TUT4: variants seen among roughly 807,000 people sequenced by gnomAD.
TUT4 encodes the protein terminal uridylyl transferase 4, also known as terminal uridylyltransferase 4.
TUT4 carries 36 observed loss-of-function variants against 192.2 expected under a neutral mutation model. The ratio of observed to expected loss-of-function variants is 0.19; its 90% CI spans 0.14 to 0.25. The LOEUF is 0.25. Ranked by LOEUF, TUT4 falls within the 10% of genes least tolerant of loss-of-function variation. The probability of loss-of-function intolerance (pLI) is 1.00; values close to 1 mark genes in which losing one functional copy is unlikely to be tolerated. For missense variants in TUT4, 1,493 were observed against 1,957.2 expected (o/e 0.76, Z 4.47); for synonymous variants, 618 against 666.0 (o/e 0.93, Z 1.11).
At position 52,503,985 on chromosome 1, in the gene TUT4, C is replaced by T. The variant is rs746363401; in HGVS notation, c.999+5611G>A. Among the ~76,000 whole-genome samples the T allele has an allele frequency of 3.7e-4, 57 of 152,198 alleles. 1 individual carries two copies. The highest frequency in any genetic ancestry group is 2.0e-4 in the Admixed American group (3 of 15,280). Reference sequence around the variant, plus strand: ...GAATCTCCAACTGCTAATATAAGTTCCAGATCCTTATATTCAAATGACTGT... The same window carrying T: ...GAATCTCCAACTGCTAATATAAGTTTCAGATCCTTATATTCAAATGACTGT... On this transcript the variant is annotated intron_variant, in intron 4 of 29. Transcript: ENST00000257177.
chr1:52,541,966 T>C (rs762870743), intron 1 of TUT4, among the ~76,000 whole-genome samples: 23 of 152,166 alleles, frequency 1.5e-4, no homozygotes, highest in Non-Finnish European at 3.1e-4. Context: ...AACAGATGAA[T>C]GGATAAACAA....
chr1:52,448,576 G>A (rs1035933561), intron 20 of TUT4, among the ~76,000 whole-genome samples: 16 of 120,134 alleles, frequency 1.3e-4, no homozygotes, highest in Non-Finnish European at 2.3e-4. Flanking sequence ...GTGACTAAGC[G>A]AGATTCTGTC....
chr1:52,461,191 A>T lies in TUT4; in HGVS notation c.3264T>A (p.Tyr1088Ter). Residue 1088 changes from tyrosine to a stop codon, truncating the protein, a stop_gained, in exon 19 of 30, where the codon TAT becomes TAA. Transcript: ENST00000257177. LOFTEE classifies it high-confidence loss of function. ...AQHNTRMLAT[Y>*]AAIDPRVQYL... is the part of the protein sequence containing the mutation. ...ACTGCACTCTAGGATCAATAGCTGCATAAGTAGCTAGCATTCTTGTGTTAT... is the reference window on the plus strand; with the variant it reads ...ACTGCACTCTAGGATCAATAGCTGCTTAAGTAGCTAGCATTCTTGTGTTAT... 6.2e-7 allele frequency: 1 copy of T among 1,608,378 alleles called. No individual in the cohort carries two copies. Among genetic ancestry groups the T allele is most frequent in the Non-Finnish European group, 8.5e-7 (1 of 1,177,190 alleles).
intron 1 of TUT4, among the ~76,000 whole-genome samples, chr1:52,551,234 A>T (rs1343274788): frequency 6.6e-6 from 1 of 152,190 alleles, no homozygotes; most frequent in Admixed American, 6.5e-5. Context: ...TGACAATGAA[A>T]ATACTTTAAA....
At chr1:52,549,263 T>G (rs889166830) in intron 1 of TUT4, among the ~76,000 whole-genome samples, 1 of 152,208 alleles carries the variant, frequency 6.6e-6, no homozygotes, top group African/African-American at 2.4e-5. Flanking sequence ...TCAAACACCT[T>G]AATACAACAT....
intron 24 of TUT4, among the ~76,000 whole-genome samples, chr1:52,445,017 ATG>A (rs1439895180): frequency 7.3e-6 from 1 of 136,608 alleles, no homozygotes; most frequent in Non-Finnish European, 1.5e-5. Context: ...GTGTATATAT[ATG>A]TATATATGTG....
In TUT4 at chr1:52,475,447, A is replaced by G; in HGVS notation, c.2112T>C (p.Tyr704=). 1 of 1,614,110 alleles carries G rather than the reference A, an allele frequency of 6.2e-7. No homozygotes were observed. The highest frequency in any genetic ancestry group is 2.2e-5 in the East Asian group (1 of 44,882). Residue 704 remains tyrosine, a synonymous_variant, in exon 13 of 30, where the codon TAT becomes TAC. Coordinates refer to ENST00000257177, the MANE Select transcript of TUT4 (RefSeq NM_001009881.3). The stretch of plus-strand genomic sequence containing the variant: ...TCGTCTGAGGACAGGCAAAATACCG[A>G]TAAGCTGCCCTAAATCTCTCCACAA... ...EYVVERFRAA[Y]RYFACPQTKG...
intron 4 of TUT4, among the ~76,000 whole-genome samples, chr1:52,503,563 T>C (rs1674738796): frequency 1.3e-5 from 2 of 152,168 alleles, no homozygotes; most frequent in African/African-American, 4.8e-5. Flanking sequence ...ACCTCCTTAG[T>C]TGCCAAATCT....
At chr1:52,468,498 G>A in intron 14 of TUT4, 1 of 431,550 alleles carries the variant, frequency 2.3e-6, no homozygotes, top group South Asian at 3.1e-5. Context: ...AAATGAAACA[G>A]AAAAATAATT....
chr1:52,536,849 C>CA (rs1405542004), intron 1 of TUT4, among the ~76,000 whole-genome samples: 1 of 146,680 alleles, frequency 6.8e-6, no homozygotes, highest in Non-Finnish European at 1.5e-5. Flanking sequence ...AGTTTCGTCT[C>CA]AAAAAAGTAA....
At chr1:52,540,817 A>C (rs1452791797) in intron 1 of TUT4, among the ~76,000 whole-genome samples, 2 of 152,202 alleles carry the variant, frequency 1.3e-5, no homozygotes, top group Non-Finnish European at 2.9e-5. Flanking sequence ...TATACTCTTA[A>C]AATACTGAGG....
chr1:52,463,041 A>G, intron 16 of TUT4: 1 of 984,526 alleles, frequency 1.0e-6, no homozygotes, highest in Non-Finnish European at 1.2e-6. Context: ...AAAGGAGGTA[A>G]TTTTTCTCTT....
chr1:52,430,082 T>C (rs1206217974), intron 28 of TUT4, among the ~76,000 whole-genome samples: 1 of 152,142 alleles, frequency 6.6e-6, no homozygotes, highest in Admixed American at 6.6e-5. Flanking sequence ...TATTTATGTC[T>C]AGGAATTGAG....
intron 16 of TUT4, among the ~76,000 whole-genome samples, chr1:52,463,948 TA>T (rs1304610817): frequency 6.6e-6 from 1 of 152,076 alleles, no homozygotes; most frequent in Non-Finnish European, 1.5e-5. Flanking sequence ...CATTATGGGT[TA>T]AAAAAATTAC....
intron 12 of TUT4, 107 bp from the exon 13 acceptor site, chr1:52,475,642 C>T (rs911250973): frequency 1.8e-6 from 2 of 1,088,622 alleles, no homozygotes; most frequent in Non-Finnish European, 2.5e-6. Flanking sequence ...AATACATTTT[C>T]CCAAGGGGTT....
chr1:52,487,816 T>TCACA (rs1670184568), intron 9 of TUT4, among the ~76,000 whole-genome samples: 2 of 152,158 alleles, frequency 1.3e-5, no homozygotes, highest in South Asian at 4.1e-4. Context: ...ATTTACTGAG[T>TCACA]GCCTACTATG....
intron 26 of TUT4, among the ~76,000 whole-genome samples, chr1:52,436,140 A>C (rs911827548): frequency 6.6e-6 from 1 of 152,232 alleles, no homozygotes; most frequent in African/African-American, 2.4e-5. Flanking sequence ...CTAGGAAAAA[A>C]GTCTCTTGTA....
chr1:52,481,610 A>G lies in TUT4; in HGVS notation c.1661T>C (p.Met554Thr). 1 of 1,613,204 alleles carries G rather than the reference A, an allele frequency of 6.2e-7. No homozygotes were observed. The highest frequency in any genetic ancestry group is 8.5e-7 in the Non-Finnish European group (1 of 1,179,872). ...TATGCCCTTCAGCTGAAAGTCATCCATTCTTTTTGGGTCAAAGCCTTCAAT... is the reference window on the plus strand; with the variant it reads ...TATGCCCTTCAGCTGAAAGTCATCCGTTCTTTTTGGGTCAAAGCCTTCAAT... The part of the protein sequence containing the change: ...SWIEGFDPKR[M>T]DDFQLKGIVE... Residue 554 changes from methionine to threonine, a missense_variant, in exon 11 of 30, where the codon ATG becomes ACG. By Grantham distance (81) the Met-to-Thr change is moderately conservative (BLOSUM62 -1). Around this residue, in one of 7 missense-constraint regions of TUT4, gnomAD observed 437 missense variants for 577.6 expected, o/e 0.76. Coordinates refer to ENST00000257177, the MANE Select transcript of TUT4 (RefSeq NM_001009881.3).
chr1:52,439,127 G>A (rs987965945), intron 24 of TUT4, among the ~76,000 whole-genome samples: 1 of 151,716 alleles, frequency 6.6e-6, no homozygotes, highest in Non-Finnish European at 1.5e-5. Flanking sequence ...GCTGAGATGG[G>A]AGGACCACTC....
Sources: gnomAD v4.1 joint callset for allele counts (sites outside exome capture counted in the v4.1 genomes callset) on GRCh38, gnomAD v4.1.1 for gene constraint, gnomAD v4.1.1 regional missense constraint, MANE v1.5 for transcripts, NCBI Gene and HGNC (gene_info 2026-07-23, HGNC 2026-07-21) for gene names.